IFT88: variants seen among roughly 807,000 people sequenced by gnomAD.
IFT88 encodes the protein intraflagellar transport 88.
IFT88 carries 74 observed loss-of-function variants against 119.5 expected under a neutral mutation model. That is an observed-to-expected ratio of 0.62 (90% CI 0.51 to 0.75). IFT88 has a LOEUF of 0.75. Ranked by LOEUF, IFT88 falls within the 30% of genes least tolerant of loss-of-function variation. The pLI, the probability that IFT88 is intolerant of heterozygous loss-of-function variation, is 0.00. For synonymous variants in IFT88, 279 were observed against 316.7 expected, an observed-to-expected ratio of 0.88 and a Z score of 1.26; for missense variants, 961 against 977.7, an observed-to-expected ratio of 0.98 and a Z score of 0.23.
intron 24 of IFT88, among the ~76,000 whole-genome samples, chr13:20,687,262 A>G (rs900715082): frequency 6.6e-6 from 1 of 152,176 alleles, no homozygotes; most frequent in Non-Finnish European, 1.5e-5. Context: ...AGGGTAGTGA[A>G]AAGAGATTAG....
intron 16 of IFT88, among the ~76,000 whole-genome samples, chr13:20,637,479 C>T (rs963718940): frequency 6.6e-6 from 1 of 152,066 alleles, no homozygotes; most frequent in Non-Finnish European, 1.5e-5. Flanking sequence ...CACAGTAGAA[C>T]CCAGAGGGCC....
At chr13:20,605,669 G>C (rs945204734) in intron 13 of IFT88, among the ~76,000 whole-genome samples, 7 of 152,112 alleles carry the variant, frequency 4.6e-5, no homozygotes, top group African/African-American at 1.4e-4. Context: ...CTACTACCCT[G>C]TTCCTCACTA....
intron 11 of IFT88, among the ~76,000 whole-genome samples, chr13:20,600,790 A>C (rs2042461766): frequency 6.6e-6 from 1 of 152,218 alleles, no homozygotes; most frequent in Non-Finnish European, 1.5e-5. Flanking sequence ...GAAAATATAG[A>C]TCGTCACAAA....
intron 20 of IFT88, among the ~76,000 whole-genome samples, chr13:20,645,936 A>G (rs1215249277): frequency 1.3e-5 from 2 of 152,150 alleles, no homozygotes; most frequent in African/African-American, 2.4e-5. Flanking sequence ...GGATGAGGAG[A>G]TAGTTTTAGT....
At chr13:20,684,399 C>G (rs565407167) in intron 24 of IFT88, among the ~76,000 whole-genome samples, 1 of 152,256 alleles carries the variant, frequency 6.6e-6, no homozygotes, top group Admixed American at 6.5e-5. Context: ...CTTTAGCTGG[C>G]AAGCAAACCT....
chr13:20,641,654 G>A lies in IFT88; in HGVS notation c.1682+256G>A, dbSNP rs543552929. The A allele has an allele frequency of 8.3e-4, 256 of 308,922 alleles. 1 individual carries two copies. Among genetic ancestry groups the A allele is most frequent in the Non-Finnish European group, 1.1e-3 (188 of 165,212 alleles). 19.1% of individuals were successfully genotyped at this position (308,922 alleles called of 1,614,324 possible). A position where few individuals can be genotyped will look rare whatever the true frequency, so the allele number is the denominator to read the frequency against. On this transcript the variant is annotated intron_variant, in intron 18 of 25. Coordinates refer to ENST00000351808, the MANE Select transcript of IFT88 (RefSeq NM_006531.5). The stretch of plus-strand genomic sequence containing the variant: ...ATTTTGAAAATAACTGAAGTAATTA[G>A]GACATTTTCGGTACATATAAGCCAT...
intron 19 of IFT88, among the ~76,000 whole-genome samples, chr13:20,644,584 AT>A (rs1445316599): frequency 6.6e-6 from 1 of 152,010 alleles, no homozygotes; most frequent in Non-Finnish European, 1.5e-5. Flanking sequence ...TCTCTTTTTT[AT>A]TCTTTTAAAT....
intron 22 of IFT88, among the ~76,000 whole-genome samples, chr13:20,658,915 C>A (rs575762835): frequency 6.6e-6 from 1 of 152,114 alleles, no homozygotes; most frequent in South Asian, 2.1e-4. Flanking sequence ...CTCTAAGAAT[C>A]AAATGAATGA....
intron 5 of IFT88, 81 bp from the exon 6 acceptor site, chr13:20,591,537 A>G (rs2040678499): frequency 2.0e-6 from 2 of 1,014,738 alleles, no homozygotes; most frequent in Admixed American, 2.2e-5. Context: ...ATAGGGCTAT[A>G]TTAAGGTGTG....
At chr13:20,607,412 A>T in intron 13 of IFT88, 1 of 638,864 alleles carries the variant, frequency 1.6e-6, no homozygotes, top group Admixed American at 1.9e-5. Flanking sequence ...CCTGTCCCAG[A>T]TCATTATAAA....
intron 24 of IFT88, among the ~76,000 whole-genome samples, chr13:20,676,572 A>G: frequency 6.6e-6 from 1 of 152,242 alleles, no homozygotes; most frequent in East Asian, 1.9e-4. Context: ...CAAGAGGGTC[A>G]TGTTTATCCA....
intron 24 of IFT88, among the ~76,000 whole-genome samples, chr13:20,685,476 A>C (rs1338962198): frequency 6.6e-6 from 1 of 152,238 alleles, no homozygotes; most frequent in Admixed American, 6.5e-5. Context: ...AGCAAGGATG[A>C]GATGAGATGA....
At chr13:20,582,297 TG>T (rs1357968984) in intron 2 of IFT88, among the ~76,000 whole-genome samples, 1 of 152,194 alleles carries the variant, frequency 6.6e-6, no homozygotes, top group Admixed American at 6.5e-5. Context: ...TCAAATTTCC[TG>T]AAGGGGAATG....
chr13:20,597,601 G>T (rs59237272), intron 9 of IFT88, among the ~76,000 whole-genome samples: 1 of 151,798 alleles, frequency 6.6e-6, no homozygotes, highest in African/African-American at 2.4e-5. Flanking sequence ...AAAATTAGCC[G>T]GGTGTGGTGG....
chr13:20,669,444 C>T (rs1191865831), intron 23 of IFT88, among the ~76,000 whole-genome samples: 2 of 143,332 alleles, frequency 1.4e-5, no homozygotes, highest in African/African-American at 2.6e-5. Context: ...TTTTTTGAGA[C>T]GGAGTCCCTC....
chr13:20,659,538 C>T (rs1340622137), intron 22 of IFT88, among the ~76,000 whole-genome samples: 2 of 151,960 alleles, frequency 1.3e-5, no homozygotes, highest in African/African-American at 4.8e-5. Flanking sequence ...GTACAAATTA[C>T]CTTCTTATTC....
At chr13:20,624,981 C>T (rs2047083976) in intron 14 of IFT88, among the ~76,000 whole-genome samples, 1 of 152,134 alleles carries the variant, frequency 6.6e-6, no homozygotes, top group Non-Finnish European at 1.5e-5. Context: ...TACAATAGAT[C>T]TCTTCAACTT....
chr13:20,626,650 T>C (rs2047379134), intron 15 of IFT88, among the ~76,000 whole-genome samples: 1 of 152,182 alleles, frequency 6.6e-6, no homozygotes, highest in African/African-American at 2.4e-5. Context: ...CGCAGATCTC[T>C]CACTGGCACT....
intron 14 of IFT88, among the ~76,000 whole-genome samples, chr13:20,618,529 G>C (rs1297131013): frequency 6.6e-6 from 1 of 152,174 alleles, no homozygotes; most frequent in Non-Finnish European, 1.5e-5. Flanking sequence ...AGAGGGATCA[G>C]TATTTATAAA....
Sources: allele counts gnomAD v4.1 joint callset (sites outside exome capture counted in the v4.1 genomes callset), GRCh38; gene constraint gnomAD v4.1.1; transcripts MANE v1.5; gene names NCBI Gene and HGNC (gene_info 2026-07-23, HGNC 2026-07-21).